Variants in RALGAPA2 observed in about 807,000 individuals in gnomAD.
RALGAPA2 encodes Ral GTPase activating protein catalytic subunit alpha 2, also known as ral GTPase-activating protein subunit alpha-2.
Under a neutral mutation model 230.4 loss-of-function variants are expected in RALGAPA2, and 139 were observed. That is an observed-to-expected ratio of 0.60 (90% CI 0.53 to 0.69). RALGAPA2 has a LOEUF of 0.69. Among genes scored for constraint, RALGAPA2 ranks in the 30% least tolerant of loss-of-function variants. The pLI is 0.00. For synonymous variants in RALGAPA2, 847 were observed against 837.8 expected (o/e 1.01, Z -0.19); for missense variants, 2,163 against 2,276.0 (o/e 0.95, Z 1.01).
chr20:20,414,634 G>C (rs981917231), intron 37 of RALGAPA2, among the ~76,000 whole-genome samples: 1 of 152,158 alleles, frequency 6.6e-6, no homozygotes, highest in Non-Finnish European at 1.5e-5. Context: ...AGGAAGTCCA[G>C]CACTATATTT....
intron 36 of RALGAPA2, among the ~76,000 whole-genome samples, chr20:20,494,222 A>G (rs2062141462): frequency 6.6e-6 from 1 of 152,208 alleles, no homozygotes; most frequent in Non-Finnish European, 1.5e-5. Flanking sequence ...TCTGTTGCCT[A>G]TTATTTCAAA....
At chr20:20,540,415 A>AT (rs1335436606) in intron 24 of RALGAPA2, among the ~76,000 whole-genome samples, 1 of 152,266 alleles carries the variant, frequency 6.6e-6, no homozygotes, top group African/African-American at 2.4e-5. Context: ...ATAACATTAC[A>AT]TAACATTGAT....
intron 3 of RALGAPA2, among the ~76,000 whole-genome samples, chr20:20,672,904 C>T (rs980445203): frequency 6.6e-6 from 1 of 152,104 alleles, no homozygotes; most frequent in African/African-American, 2.4e-5. Flanking sequence ...AAAGAAGCAG[C>T]TGGGTGCAGT....
At chr20:20,623,212 T>G (rs2066375589) in intron 10 of RALGAPA2, among the ~76,000 whole-genome samples, 1 of 152,146 alleles carries the variant, frequency 6.6e-6, no homozygotes. Flanking sequence ...TTTAAAAGAC[T>G]TCGCTGCAAT....
chr20:20,429,336 A>G (rs540189680), intron 37 of RALGAPA2, among the ~76,000 whole-genome samples: 63 of 152,218 alleles, frequency 4.1e-4, no homozygotes, highest in Non-Finnish European at 8.7e-4. Flanking sequence ...ATCCACAAAC[A>G]TTGTTGTTTG....
chr20:20,651,841 T>G (rs2067408994), intron 4 of RALGAPA2, among the ~76,000 whole-genome samples: 1 of 152,230 alleles, frequency 6.6e-6, no homozygotes, highest in Non-Finnish European at 1.5e-5. Context: ...AAATACTGCA[T>G]GCAGTTATTT....
chr20:20,686,371 T>C (rs926632242), intron 1 of RALGAPA2, among the ~76,000 whole-genome samples: 10 of 151,782 alleles, frequency 6.6e-5, no homozygotes, highest in Non-Finnish European at 1.0e-4. Flanking sequence ...CATGGTGAAA[T>C]CCCAACTCTA....
chr20:20,666,020 C>T (rs2067946948), intron 3 of RALGAPA2, among the ~76,000 whole-genome samples: 2 of 152,326 alleles, frequency 1.3e-5, no homozygotes, highest in South Asian at 4.1e-4. Context: ...TTGTTCCCAA[C>T]CAAGGGTTCA....
intron 36 of RALGAPA2, among the ~76,000 whole-genome samples, chr20:20,477,471 A>G (rs1472300543): frequency 6.6e-6 from 1 of 152,194 alleles, no homozygotes; most frequent in Non-Finnish European, 1.5e-5. Context: ...AATGCTTTTT[A>G]CTTTGTAAAC....
chr20:20,584,384 CA>C (rs1354366442), intron 19 of RALGAPA2, among the ~76,000 whole-genome samples: 1 of 152,100 alleles, frequency 6.6e-6, no homozygotes, highest in Non-Finnish European at 1.5e-5. Context: ...GAGAAAGGTC[CA>C]GGGGTAGAAA....
chr20:20,639,672 CT>C (rs1403293010), intron 7 of RALGAPA2, 112 bp downstream of exon 7: 1 of 772,368 alleles, frequency 1.3e-6, no homozygotes, highest in Non-Finnish European at 2.1e-6. Context: ...ATAAAATCAC[CT>C]CAAAGAAAAA....
intron 7 of RALGAPA2, among the ~76,000 whole-genome samples, chr20:20,637,782 A>G (rs922462676): frequency 5.9e-5 from 9 of 152,212 alleles, no homozygotes; most frequent in African/African-American, 2.2e-4. Context: ...TATCATGCCC[A>G]TATTTTTTCT....
intron 1 of RALGAPA2, among the ~76,000 whole-genome samples, chr20:20,683,610 A>C (rs2068597177): frequency 6.6e-6 from 1 of 152,188 alleles, no homozygotes. Context: ...GTATGAGACA[A>C]AGTAGCAAAT....
chr20:20,699,671 G>C (rs541146509), intron 1 of RALGAPA2, among the ~76,000 whole-genome samples: 1 of 152,054 alleles, frequency 6.6e-6, no homozygotes, highest in Non-Finnish European at 1.5e-5. Flanking sequence ...TGTCACAAAA[G>C]AAGACATACA....
chr20:20,638,616 G>T (rs2066933707), intron 7 of RALGAPA2, among the ~76,000 whole-genome samples: 1 of 151,996 alleles, frequency 6.6e-6, no homozygotes, highest in African/African-American at 2.4e-5. Flanking sequence ...AGAACCCAAG[G>T]CCCCCAACAC....
intron 12 of RALGAPA2, among the ~76,000 whole-genome samples, chr20:20,617,620 C>G (rs563991990): frequency 6.6e-6 from 1 of 152,222 alleles, no homozygotes; most frequent in South Asian, 2.1e-4. Context: ...TTACTTTTTA[C>G]AAAACATCAA....
At chr20:20,497,293 T>C (rs1313166848) in intron 35 of RALGAPA2, among the ~76,000 whole-genome samples, 1 of 152,182 alleles carries the variant, frequency 6.6e-6, no homozygotes, top group East Asian at 1.9e-4. Flanking sequence ...GAAAACACGG[T>C]AGCCAGCATC....
intron 24 of RALGAPA2, among the ~76,000 whole-genome samples, chr20:20,546,067 T>C (rs899035714): frequency 5.9e-5 from 9 of 152,160 alleles, no homozygotes; most frequent in Non-Finnish European, 1.0e-4. Flanking sequence ...AATGGGACCC[T>C]ATCTCTTGAA....
intron 2 of RALGAPA2, among the ~76,000 whole-genome samples, chr20:20,678,049 T>C (rs1323025508): frequency 6.6e-6 from 1 of 152,112 alleles, no homozygotes; most frequent in East Asian, 1.9e-4. Context: ...GCTAATGCTA[T>C]AATCCAGGTG....
Sources: gnomAD v4.1 joint callset for allele counts (sites outside exome capture counted in the v4.1 genomes callset) on GRCh38, gnomAD v4.1.1 for gene constraint, MANE v1.5 for transcripts, NCBI Gene and HGNC (gene_info 2026-07-23, HGNC 2026-07-21) for gene names.